Variants in KNG1 observed in about 807,000 individuals in gnomAD.
The protein encoded by KNG1 is kininogen 1.
In KNG1, 23 loss-of-function variants were observed where a neutral mutation model predicts 47.8. The observed-to-expected ratio is 0.48, with a 90% confidence interval of 0.35 to 0.68. The LOEUF is 0.68. Ranked by LOEUF, KNG1 falls within the 30% of genes least tolerant of loss-of-function variation. The pLI, the probability that KNG1 is intolerant of heterozygous loss-of-function variation, is 0.01. For missense variants in KNG1, 762 were observed against 790.2 expected (o/e 0.96, Z 0.43); for synonymous variants, 277 against 277.0 (o/e 1.00, Z 0.00).
chr3:186,722,733 G>A (rs924784679), intron 3 of KNG1, among the ~76,000 whole-genome samples: 5 of 152,304 alleles, frequency 3.3e-5, no homozygotes, highest in African/African-American at 4.8e-5. Context: ...AACTCTTCCC[G>A]TGTGCTGCAT....
chr3:186,741,470 T>A, intron 9 of KNG1, 52 bp from the exon 10 acceptor site: 4 of 1,543,806 alleles, frequency 2.6e-6, no homozygotes, highest in African/African-American at 1.4e-5. Flanking sequence ...TTTTCTATCA[T>A]CAATAGCATG....
chr3:186,720,838 G>A (rs1579112941), intron 2 of KNG1, among the ~76,000 whole-genome samples: 1 of 128,540 alleles, frequency 7.8e-6, no homozygotes, highest in Admixed American at 9.5e-5. Context: ...CGCTCAGGCT[G>A]GAGTGCAGTG....
chr3:186,722,593 G>A, intron 3 of KNG1, 72 bp downstream of exon 3: 1 of 1,208,364 alleles, frequency 8.3e-7, no homozygotes, highest in Non-Finnish European at 1.2e-6. Flanking sequence ...ACACAATCTT[G>A]ACCAGGCTCT....
rs150394177 is a variant in KNG1, at chr3:186,734,417, G to A, written c.930+1743G>A. Among the ~76,000 whole-genome samples, 263 of 152,112 alleles carry A rather than the reference G, an allele frequency of 1.7e-3. 1 individual carries two copies. Among genetic ancestry groups the A allele is most frequent in the African/African-American group, 5.9e-3 (246 of 41,502 alleles). ...TATAATATTCAGTGAAAAAAAGGAGGCATAAAATTGAATATACATGATGTT... is the reference window on the plus strand; with the variant it reads ...TATAATATTCAGTGAAAAAAAGGAGACATAAAATTGAATATACATGATGTT... On this transcript the variant is annotated intron_variant, in intron 7 of 9. Transcript: ENST00000644859.
intron 7 of KNG1, among the ~76,000 whole-genome samples, chr3:186,734,432 T>C (rs5030057): frequency 0.019 from 2,822 of 152,206 alleles, 80 homozygotes; most frequent in African/African-American, 0.064. Flanking sequence ...AAATTGAATA[T>C]ACATGATGTT....
At position 186,732,663 on chromosome 3, in the gene KNG1, G is replaced by T; in HGVS notation, c.919G>T (p.Ala307Ser). 8.1e-6 allele frequency: 13 copies of T among 1,613,408 alleles called. No homozygotes were observed. The highest frequency in any genetic ancestry group is 1.1e-5 in the Non-Finnish European group (13 of 1,179,330). The change falls in exon 7 of 10, where the codon GCA (alanine) becomes TCA (serine). Residue 307 changes from alanine (A) to serine (S), a missense_variant. Coordinates refer to ENST00000644859, the MANE Select transcript of KNG1 (RefSeq NM_001102416.3). ...FYFKIDNVKK[A>S]RVQVVAGKKY... ...TTTCAAGATTGACAATGTGAAAAAA[G>T]CAAGAGTACAGGTGTGTAAACTATA...
At chr3:186,726,783 T>G (rs1405804943) in intron 4 of KNG1, among the ~76,000 whole-genome samples, 5 of 152,144 alleles carry the variant, frequency 3.3e-5, no homozygotes, top group African/African-American at 4.8e-5. Context: ...AGAAGAAATC[T>G]TACTACTTGG....
At chr3:186,723,874 G>A (rs923418114) in intron 3 of KNG1, among the ~76,000 whole-genome samples, 11 of 152,004 alleles carry the variant, frequency 7.2e-5, no homozygotes, top group Non-Finnish European at 1.5e-4. Flanking sequence ...GGCTGGTCTC[G>A]AACTCCTGAC....
chr3:186,717,802 T>A (rs1720028566), intron 1 of KNG1, 65 bp downstream of exon 1: 20 of 1,055,846 alleles, frequency 1.9e-5, no homozygotes, highest in Non-Finnish European at 2.7e-5. Flanking sequence ...AGTCCAGGCC[T>A]CACACACACA....
intron 3 of KNG1, among the ~76,000 whole-genome samples, chr3:186,724,498 T>C (rs1161418866): frequency 1.3e-5 from 2 of 152,226 alleles, no homozygotes; most frequent in African/African-American, 4.8e-5. Context: ...ATTTCCCTAA[T>C]GCTTAGTGAT....
Position 186,742,425 on chromosome 3 carries a change from CA to C in KNG1, c.*99del. 1 of 1,574,714 alleles carries C rather than the reference CA, an allele frequency of 6.4e-7. No homozygotes were observed. ...ATGAAAATATCCTGATATAATGCACCAAAAACCATGCAGCTTCGGAACAGTC... is the reference window on the plus strand; with the variant it reads ...ATGAAAATATCCTGATATAATGCACCAAAACCATGCAGCTTCGGAACAGTC... On this transcript the variant is annotated 3_prime_UTR_variant, in exon 10 of 10. Transcript: ENST00000644859.
At chr3:186,738,776 G>A (rs1266383146) in intron 7 of KNG1, 3 of 296,458 alleles carry the variant, frequency 1.0e-5, no homozygotes, top group African/African-American at 4.5e-5. Flanking sequence ...AATCCAGGAG[G>A]CGGAGGTTGT....
At chr3:186,734,007 A>C (rs1388443293) in intron 7 of KNG1, among the ~76,000 whole-genome samples, 1 of 152,178 alleles carries the variant, frequency 6.6e-6, no homozygotes, top group African/African-American at 2.4e-5. Context: ...CAACTCCAAT[A>C]GTCTCTGACT....
chr3:186,738,173 T>G (rs1263662789), intron 7 of KNG1: 1 of 151,574 alleles, frequency 6.6e-6, no homozygotes, highest in East Asian at 2.0e-4. Context: ...AGGTGGGGTT[T>G]CACCACGTTG....
chr3:186,726,343 T>C (rs1410533230), intron 4 of KNG1, among the ~76,000 whole-genome samples: 1 of 146,684 alleles, frequency 6.8e-6, no homozygotes, highest in African/African-American at 2.5e-5. Context: ...GAGGCTGGAG[T>C]GCAGTGGTGC....
Position 186,727,191 on chromosome 3 carries a change from T to C in KNG1, c.565-46T>C, listed in dbSNP as rs1332728775. 5.5e-6 allele frequency: 7 copies of C among 1,268,802 alleles called. No homozygotes were observed. The Admixed American group carries it at 1.2e-4, about 21-fold the overall frequency. The allele number at this position is 1,268,802 out of a possible 1,614,324, so 78.6% of individuals were successfully genotyped here. ...CATAACATTCATATCCCACAGCGAA[T>C]AATGTTTAAACTGCCCTTTAAATAT... On this transcript the variant is annotated intron_variant, in intron 4 of 9. Transcript: ENST00000644859.
In KNG1 at chr3:186,732,687, T is replaced by C; in HGVS notation, c.930+13T>C. ...AGCAAGAGTACAGGTGTGTAAACTA[T>C]ACTACAAAAGCAGTAACACTATAGT... On this transcript the variant is annotated intron_variant, in intron 7 of 9. Transcript: ENST00000644859. 1 of 1,606,020 alleles carries C rather than the reference T, an allele frequency of 6.2e-7. No homozygotes were observed. The highest frequency in any genetic ancestry group is 8.5e-7 in the Non-Finnish European group (1 of 1,172,598).
rs1236233831 is a variant in KNG1, at chr3:186,741,790, A to C, written c.1394A>C (p.His465Pro). 2.5e-6 allele frequency: 4 copies of C among 1,614,034 alleles called. No homozygotes were observed. In the South Asian group the frequency reaches 4.4e-5, roughly 18 times the overall value. ...HQRGHGLGHG[H>P]EQQHGLGHGH... The stretch of plus-strand genomic sequence containing the variant: ...AGAGGACATGGCCTTGGCCATGGAC[A>C]CGAACAACAGCATGGTCTTGGTCAT... Residue 465 changes from histidine to proline, a missense_variant, in exon 10 of 10, where the codon CAC becomes CCC. His to Pro is a moderately conservative substitution (Grantham distance 77, BLOSUM62 -2). Coordinates refer to ENST00000644859, the MANE Select transcript of KNG1 (RefSeq NM_001102416.3).
At chr3:186,727,148 AC>A in intron 4 of KNG1, 88 bp from the exon 5 acceptor site, 1 of 917,800 alleles carries the variant, frequency 1.1e-6, no homozygotes, top group East Asian at 2.4e-5. Flanking sequence ...ATATTGCCAC[AC>A]TGTTTTCTAA....
Sources: allele counts gnomAD v4.1 joint callset (sites outside exome capture counted in the v4.1 genomes callset), GRCh38; gene constraint gnomAD v4.1.1; transcripts MANE v1.5; gene names NCBI Gene and HGNC (gene_info 2026-07-23, HGNC 2026-07-21).